The following TTC23 variants were observed in gnomAD, a reference collection of about 807,000 sequenced individuals.
TTC23 encodes the protein tetratricopeptide repeat domain 23.
TTC23 carries 58 observed loss-of-function variants against 55.1 expected under a neutral mutation model. The ratio of observed to expected loss-of-function variants is 1.05; its 90% CI spans 0.85 to 1.31. The LOEUF (loss-of-function observed/expected upper bound fraction) is 1.31, where lower values mean the gene tolerates loss of function less well. TTC23 is among the 50% of genes most tolerant of loss of function. The pLI is 0.00. For synonymous variants in TTC23, 203 were observed against 199.9 expected (o/e 1.02, Z -0.13); for missense variants, 516 against 534.4 (o/e 0.97, Z 0.34).
intron 12 of TTC23, 59 bp downstream of exon 12, chr15:99,156,089 T>C (rs1178971990): frequency 7.5e-6 from 12 of 1,607,598 alleles, no homozygotes; most frequent in East Asian, 4.5e-5. Context: ...GGGAGAGAAA[T>C]TGACCTTGGA....
At chr15:99,192,108 C>T (rs2075295654) in intron 9 of TTC23, among the ~76,000 whole-genome samples, 1 of 152,188 alleles carries the variant, frequency 6.6e-6, no homozygotes, top group African/African-American at 2.4e-5. Flanking sequence ...AGCAGCAAAG[C>T]ATTCAAGATG....
intron 8 of TTC23, among the ~76,000 whole-genome samples, chr15:99,200,391 A>G (rs2151994098): frequency 6.6e-6 from 1 of 152,320 alleles, no homozygotes. Flanking sequence ...TCATTGGGTT[A>G]TTAAGAAGAT....
chr15:99,204,343 TC>T (rs1195615537), intron 8 of TTC23, among the ~76,000 whole-genome samples: 5 of 152,206 alleles, frequency 3.3e-5, no homozygotes, highest in African/African-American at 1.2e-4. Context: ...TTTGTCTTTT[TC>T]TATTCAGTTG....
At chr15:99,202,912 C>T (rs1263224192) in intron 8 of TTC23, among the ~76,000 whole-genome samples, 2 of 152,140 alleles carry the variant, frequency 1.3e-5, no homozygotes, top group Non-Finnish European at 2.9e-5. Context: ...ATAAGATGTC[C>T]GTGAAAGTGC....
chr15:99,191,474 T>C (rs1160620616), intron 9 of TTC23, among the ~76,000 whole-genome samples: 1 of 152,220 alleles, frequency 6.6e-6, no homozygotes, highest in East Asian at 1.9e-4. Context: ...TGGCTCTGTG[T>C]CTTTCCCTGC....
chr15:99,221,589 C>T (rs962427656), intron 6 of TTC23, 152 bp downstream of exon 6: 1 of 945,560 alleles, frequency 1.1e-6, no homozygotes, highest in African/African-American at 1.7e-5. Context: ...AGGTTATATA[C>T]CTTATCAACT....
intron 5 of TTC23, among the ~76,000 whole-genome samples, chr15:99,225,916 C>T (rs1033685371): frequency 6.6e-6 from 1 of 152,254 alleles, no homozygotes; most frequent in African/African-American, 2.4e-5. Flanking sequence ...AACAGACATT[C>T]TGCACCTCCT....
intron 8 of TTC23, 69 bp from the exon 9 acceptor site, chr15:99,200,165 G>A: frequency 7.4e-7 from 1 of 1,359,752 alleles, no homozygotes; most frequent in Non-Finnish European, 9.7e-7. Context: ...TAGGTGAGCT[G>A]GTAGTTGGGA....
At chr15:99,177,925 A>G (rs1185693359) in intron 9 of TTC23, among the ~76,000 whole-genome samples, 1 of 152,166 alleles carries the variant, frequency 6.6e-6, no homozygotes, top group East Asian at 1.9e-4. Context: ...CATGCCTATA[A>G]TCTCAGCACC....
At chr15:99,205,422 C>T (rs2076544298) in intron 8 of TTC23, among the ~76,000 whole-genome samples, 1 of 152,074 alleles carries the variant, frequency 6.6e-6, no homozygotes, top group Non-Finnish European at 1.5e-5. Flanking sequence ...ACTTCCAATC[C>T]ATGAACATGA....
chr15:99,143,115 T>G (rs1596202159), intron 12 of TTC23, among the ~76,000 whole-genome samples: 1 of 152,184 alleles, frequency 6.6e-6, no homozygotes, highest in East Asian at 1.9e-4. Flanking sequence ...CCTTGTGTGA[T>G]TACAGTGTAA....
intron 9 of TTC23, among the ~76,000 whole-genome samples, chr15:99,177,597 C>A (rs1484164374): frequency 1.3e-5 from 2 of 152,226 alleles, no homozygotes; most frequent in African/African-American, 4.8e-5. Context: ...CCCCTACTAT[C>A]TCTACGATCT....
chr15:99,226,580 C>T (rs2152064167), intron 5 of TTC23, among the ~76,000 whole-genome samples: 1 of 152,318 alleles, frequency 6.6e-6, no homozygotes, highest in South Asian at 2.1e-4. Context: ...TAGCTTGAAA[C>T]CTGCAAGGCC....
chr15:99,212,179 G>A (rs2077088307), intron 8 of TTC23, among the ~76,000 whole-genome samples: 1 of 152,178 alleles, frequency 6.6e-6, no homozygotes, highest in Admixed American at 6.5e-5. Flanking sequence ...GTCAGAGAGA[G>A]CTGGGGGAAA....
intron 5 of TTC23, among the ~76,000 whole-genome samples, chr15:99,223,273 C>T (rs1475229758): frequency 6.6e-6 from 1 of 152,178 alleles, no homozygotes; most frequent in African/African-American, 2.4e-5. Context: ...ATTTAAGTCC[C>T]AATCCCCAGC....
chr15:99,157,156 C>A (rs1252972324), intron 11 of TTC23: 4 of 144,654 alleles, frequency 2.8e-5, no homozygotes, highest in Non-Finnish European at 6.0e-5. Flanking sequence ...TTTTTAAATC[C>A]GTCTCACCGT....
chr15:99,242,913 G>A (rs551437007), intron 2 of TTC23, among the ~76,000 whole-genome samples: 5 of 152,210 alleles, frequency 3.3e-5, no homozygotes, highest in Admixed American at 3.3e-4. Context: ...AAAACACTGG[G>A]GAAACTCTCT....
At chr15:99,211,123 C>G (rs2077002877) in intron 8 of TTC23, among the ~76,000 whole-genome samples, 1 of 152,052 alleles carries the variant, frequency 6.6e-6, no homozygotes, top group East Asian at 1.9e-4. Context: ...GCCTGTAATC[C>G]CAGCACTTTG....
At chr15:99,175,922 G>C (rs2073496436) in intron 9 of TTC23, among the ~76,000 whole-genome samples, 1 of 152,194 alleles carries the variant, frequency 6.6e-6, no homozygotes, top group Non-Finnish European at 1.5e-5. Flanking sequence ...TTGAACCTGG[G>C]AGGTGGAGGT....
Sources: allele counts gnomAD v4.1 joint callset (sites outside exome capture counted in the v4.1 genomes callset), GRCh38; gene constraint gnomAD v4.1.1; transcripts MANE v1.5; gene names NCBI Gene and HGNC (gene_info 2026-07-23, HGNC 2026-07-21).